CLCN6: variants seen among roughly 807,000 people sequenced by gnomAD.
CLCN6 encodes the protein Cl-/H+ antiporter 6.
In CLCN6, 70 loss-of-function variants were observed where a neutral mutation model predicts 109.8. That is an observed-to-expected ratio of 0.64 (90% confidence interval 0.53 to 0.78). The LOEUF (loss-of-function observed/expected upper bound fraction) is 0.78. Among genes scored for constraint, CLCN6 ranks in the 30% least tolerant of loss-of-function variants. The pLI is 0.00. For missense variants in CLCN6, 984 were observed against 1,142.3 expected (o/e 0.86, Z 2.00); for synonymous variants, 444 against 447.8 (o/e 0.99, Z 0.11).
intron 10 of CLCN6, among the ~76,000 whole-genome samples, chr1:11,827,524 C>T (rs534030665): frequency 6.7e-6 from 1 of 150,284 alleles, no homozygotes; most frequent in South Asian, 2.1e-4. Flanking sequence ...CAGCCTCTGC[C>T]TCCTGGATTC....
rs1251393016 is a variant in CLCN6 at position 11,833,571 on chromosome 1, C to A, written c.1305C>A (p.Tyr435Ter). The A allele has an allele frequency of 6.2e-7, 1 of 1,613,844 alleles. No individual in the cohort carries two copies. Among genetic ancestry groups the A allele is most frequent in the African/African-American group, 1.3e-5 (1 of 74,918 alleles). Residue 435 changes from tyrosine (Y) to a stop codon, truncating the protein, a stop_gained, in exon 14 of 23, where the codon TAC (tyrosine) becomes TAA (stop). Coordinates refer to ENST00000346436, the MANE Select transcript of CLCN6 (RefSeq NM_001286.5). LOFTEE classifies it high-confidence loss of function. Reference sequence around the variant, plus strand: ...CATTTTTTTGTCCCAATGATACCTACAATGACATGGCCACACTCTTCTTCA... The same window carrying A: ...CATTTTTTTGTCCCAATGATACCTAAAATGACATGGCCACACTCTTCTTCA... ...IKTFFCPNDT[Y>*]NDMATLFFNP...
At position 11,834,062 on chromosome 1, in the gene CLCN6, G is replaced by A. The variant is rs115305550; in HGVS notation, c.1526+32G>A. 3.4e-4 allele frequency: 551 copies of A among 1,609,202 alleles called. 2 individuals are homozygous for A. The African/African-American group carries it at 5.2e-3, about 15-fold the overall frequency. On this transcript the variant is annotated intron_variant, in intron 15 of 22. Coordinates refer to ENST00000346436, the MANE Select transcript of CLCN6 (RefSeq NM_001286.5). The surrounding 1 kb of genome is among the most constrained non-coding windows in gnomAD (Gnocchi z 4.5). ...TGTGTGTGTGCGTGTGTGTGCGCAT[G>A]TGCATGTGTGTGCACGTGTGCGTGT... is the stretch of plus-strand genomic sequence containing the variant.
rs115674399 is a variant in CLCN6, at chr1:11,832,549, G to A, written c.1249-966G>A. 4.1e-3 allele frequency among the ~76,000 whole-genome samples: 621 copies of A among 152,340 alleles called. 5 individuals carry two copies. Among genetic ancestry groups the A allele is most frequent in the African/African-American group, 0.014 (598 of 41,572 alleles). On this transcript the variant is annotated intron_variant, in intron 13 of 22. Transcript: ENST00000346436. ...CCAGGTGCTGCCAGTCAGCAGTGCC[G>A]TGCTGTTTGCACAGCAGCCTGCATA...
chr1:11,824,925 G>A (rs565303901), intron 8 of CLCN6, among the ~76,000 whole-genome samples: 4 of 152,292 alleles, frequency 2.6e-5, no homozygotes, highest in African/African-American at 9.6e-5. Flanking sequence ...GCACAGTTCC[G>A]TGCTGATTCT....
At chr1:11,836,242 G>T (rs1400273210) in intron 18 of CLCN6, 89 bp downstream of exon 18, 1 of 1,283,650 alleles carries the variant, frequency 7.8e-7, no homozygotes. Context: ...CCTGGCTGGG[G>T]TGGACTTACC....
intron 13 of CLCN6, among the ~76,000 whole-genome samples, chr1:11,831,125 C>T (rs1350897634): frequency 6.6e-6 from 1 of 151,274 alleles, no homozygotes; most frequent in Non-Finnish European, 1.5e-5. Context: ...GTCACCACGC[C>T]CAGCCTGGTT....
chr1:11,827,039 T>G, intron 9 of CLCN6, 50 bp from the exon 10 acceptor site: 2 of 1,598,284 alleles, frequency 1.3e-6, no homozygotes, highest in Non-Finnish European at 1.7e-6. Context: ...AACCACCTTT[T>G]GGGGGCTGGG....
intron 4 of CLCN6, among the ~76,000 whole-genome samples, chr1:11,818,537 T>C (rs1030182986): frequency 1.3e-5 from 2 of 152,242 alleles, no homozygotes; most frequent in African/African-American, 4.8e-5. Flanking sequence ...CACACCTGCC[T>C]TTATGACATA....
At position 11,806,225 on chromosome 1, in the gene CLCN6, G is replaced by A. The variant is rs764522149; in HGVS notation, c.-38G>A. On this transcript the variant is annotated 5_prime_UTR_variant, in exon 1 of 23. Coordinates refer to ENST00000346436, the MANE Select transcript of CLCN6 (RefSeq NM_001286.5). ...AGGCGCAGATCCTGGCTGGGAGGGG[G>A]TTGGTAGAGGGGTCCAGAGTGGCAG... 7.8e-6 allele frequency: 11 copies of A among 1,401,940 alleles called. No homozygotes were observed. The highest frequency in any genetic ancestry group is 8.4e-6 in the Non-Finnish European group (9 of 1,072,966). The allele number at this position is 1,401,940 out of a possible 1,614,324, so 86.8% of individuals were successfully genotyped here.
intron 9 of CLCN6, among the ~76,000 whole-genome samples, chr1:11,826,459 T>A: frequency 6.6e-6 from 1 of 152,218 alleles, no homozygotes; most frequent in East Asian, 1.9e-4. Context: ...TGGTCCCAGA[T>A]TAAAAACCCA....
At position 11,834,121 on chromosome 1, in the gene CLCN6, T is replaced by G; in HGVS notation, c.1526+91T>G. ...GTGTGTGCGTGTGCGTGCGTTGATG[T>G]GTCTGTGCCCATGCATGCACATATG... On this transcript the variant is annotated intron_variant, in intron 15 of 22. Transcript: ENST00000346436. This position sits in a 1 kb window ranked among gnomAD's most constrained non-coding sequence, Gnocchi z 4.5. The G allele has an allele frequency of 6.3e-7, 1 of 1,591,954 alleles. No individual in the cohort carries two copies.
chr1:11,837,271 C>G (rs1435564372), intron 19 of CLCN6, 72 bp from the exon 20 acceptor site: 2 of 1,582,616 alleles, frequency 1.3e-6, no homozygotes, highest in Non-Finnish European at 1.7e-6. Context: ...GGATGGGGAG[C>G]GGGCTGGGAA....
At chr1:11,838,794 T>G in intron 22 of CLCN6, 134 bp downstream of exon 22, 1 of 1,320,718 alleles carries the variant, frequency 7.6e-7, no homozygotes, top group African/African-American at 1.4e-5. Flanking sequence ...ACACTAGCTT[T>G]GAACCCTGCT....
chr1:11,828,431 C>T lies in CLCN6; in HGVS notation c.955-27C>T, dbSNP rs1190315110. 5 of 1,613,316 alleles carry T rather than the reference C, an allele frequency of 3.1e-6. No homozygotes were observed. In the South Asian group the frequency reaches 4.4e-5, roughly 14 times the overall value. On this transcript the variant is annotated intron_variant, in intron 11 of 22. Coordinates refer to ENST00000346436, the MANE Select transcript of CLCN6 (RefSeq NM_001286.5). ...TTCTCATGGCTGCTATGGTTTTTCT[C>T]TCCCTCTCCCTTTCCCCTTCTCTCA...
At chr1:11,806,568 C>G (rs1348920996) in intron 1 of CLCN6, 1 of 466,414 alleles carries the variant, frequency 2.1e-6, no homozygotes, top group Non-Finnish European at 3.8e-6. Flanking sequence ...AGAATCCAGG[C>G]CAGCTCCAGT....
At chr1:11,808,813 A>G (rs915693844) in intron 2 of CLCN6, among the ~76,000 whole-genome samples, 7 of 152,002 alleles carry the variant, frequency 4.6e-5, no homozygotes, top group Admixed American at 3.3e-4. Flanking sequence ...TGAATGAACC[A>G]AAAAGCACTG....
Position 11,841,726 on chromosome 1 carries a change from C to T in CLCN6, c.*1503C>T, listed in dbSNP as rs759149162. 17 of 152,294 alleles carry T rather than the reference C, an allele frequency of 1.1e-4. No individual in the cohort carries two copies. Among genetic ancestry groups the T allele is most frequent in the East Asian group, 1.9e-4 (1 of 5,192 alleles). 9.4% of individuals were successfully genotyped at this position (152,294 alleles called of 1,614,324 possible). A position where few individuals can be genotyped will look rare whatever the true frequency, so the allele number is the denominator to read the frequency against. On this transcript the variant is annotated 3_prime_UTR_variant, in exon 23 of 23. Coordinates refer to ENST00000346436, the MANE Select transcript of CLCN6 (RefSeq NM_001286.5). ...CTTTCACCCTGGGGTGAGCATCAGT[C>T]CTGGCTCTGCTGGTCCAGATCTTGC...
chr1:11,817,332 G>C (rs141219038), intron 4 of CLCN6, among the ~76,000 whole-genome samples: 1 of 152,152 alleles, frequency 6.6e-6, no homozygotes, highest in Admixed American at 6.6e-5. Flanking sequence ...CAGTGAACAG[G>C]GTGGCACACC....
chr1:11,819,234 C>T (rs750859481), intron 4 of CLCN6, among the ~76,000 whole-genome samples: 9 of 152,092 alleles, frequency 5.9e-5, no homozygotes, highest in Non-Finnish European at 1.2e-4. Context: ...ACCTGCTTCC[C>T]TCTTTGTTTT....
Sources: gnomAD v4.1 joint callset for allele counts (sites outside exome capture counted in the v4.1 genomes callset) on GRCh38, gnomAD v4.1.1 for gene constraint, Gnocchi (gnomAD v3.1) non-coding constraint, MANE v1.5 for transcripts, NCBI Gene and HGNC (gene_info 2026-07-23, HGNC 2026-07-21) for gene names.